NLGN1: variants seen among roughly 807,000 people sequenced by gnomAD.
NLGN1 encodes neuroligin 1.
Under a neutral mutation model 65.5 loss-of-function variants are expected in NLGN1, and 12 were observed. That is an observed-to-expected ratio of 0.18 (90% CI 0.12 to 0.30). The LOEUF (loss-of-function observed/expected upper bound fraction) is 0.30. NLGN1 is among the 10% of genes least tolerant of loss of function. The probability of loss-of-function intolerance (pLI) is 1.00; values close to 1 mark genes in which losing one functional copy is unlikely to be tolerated. For synonymous variants in NLGN1, 350 were observed against 359.5 expected (o/e 0.97, Z 0.30); for missense variants, 750 against 1,007.1 (o/e 0.74, Z 3.46).
At chr3:173,683,070 T>A (rs943117755) in intron 3 of NLGN1, among the ~76,000 whole-genome samples, 34 of 152,318 alleles carry the variant, frequency 2.2e-4, no homozygotes, top group African/African-American at 7.9e-4. Flanking sequence ...CGTGCATTTT[T>A]GTGGTTAGTT....
At chr3:173,958,645 T>C (rs1193888709) in intron 4 of NLGN1, among the ~76,000 whole-genome samples, 1 of 152,092 alleles carries the variant, frequency 6.6e-6, no homozygotes, top group Non-Finnish European at 1.5e-5. Flanking sequence ...AAGTTCCCAC[T>C]CTGGTCTGTG....
chr3:173,885,607 A>C (rs1482800605), intron 4 of NLGN1, among the ~76,000 whole-genome samples: 4 of 152,108 alleles, frequency 2.6e-5, no homozygotes, highest in Non-Finnish European at 5.9e-5. Flanking sequence ...CTATAATAAA[A>C]AGCATATTCA....
chr3:173,740,305 A>G lies in NLGN1; in HGVS notation c.494-67375A>G, dbSNP rs1578205552. 3.3e-5 allele frequency among the ~76,000 whole-genome samples: 5 copies of G among 152,286 alleles called. No homozygotes were observed. The South Asian group carries it at 1.0e-3, about 32-fold the overall frequency. On this transcript the variant is annotated intron_variant, in intron 3 of 6. Coordinates refer to ENST00000457714, the Ensembl canonical transcript of NLGN1. ...GTGATTTTGTGCTATATTAAGTCAA[A>G]TCATACATTAGGGATAATAGAAAAA...
intron 4 of NLGN1, among the ~76,000 whole-genome samples, chr3:173,910,222 A>G (rs1336459475): frequency 2.0e-5 from 3 of 152,206 alleles, no homozygotes; most frequent in Admixed American, 6.5e-5. Context: ...AAAAATGCAG[A>G]TTCTGCTTCA....
At chr3:173,967,251 T>G (rs917226110) in intron 4 of NLGN1, among the ~76,000 whole-genome samples, 1 of 152,164 alleles carries the variant, frequency 6.6e-6, no homozygotes, top group Admixed American at 6.5e-5. Context: ...AACTTCCGAC[T>G]GGTGGACAGT....
chr3:173,426,031 C>G (rs1716033373), intron 1 of NLGN1, among the ~76,000 whole-genome samples: 1 of 151,960 alleles, frequency 6.6e-6, no homozygotes, highest in African/African-American at 2.4e-5. Context: ...GTTTTTATGG[C>G]AGAGCTGTCT....
At chr3:174,124,711 T>C (rs1262819697) in intron 4 of NLGN1, among the ~76,000 whole-genome samples, 5 of 149,438 alleles carry the variant, frequency 3.3e-5, no homozygotes, top group African/African-American at 9.8e-5. Context: ...TATATACTTA[T>C]ATATTTATAC....
rs147582110 is a variant in NLGN1, at chr3:174,249,961, T to C, written c.647-25354T>C. 9.3e-3 allele frequency among the ~76,000 whole-genome samples: 1,413 copies of C among 152,292 alleles called. 12 individuals carry two copies. Among genetic ancestry groups the C allele is most frequent in the Non-Finnish European group, 0.014 (941 of 68,018 alleles). On this transcript the variant is annotated intron_variant, in intron 4 of 6. Transcript: ENST00000457714. ...GAATAGAAGGTTGTAGCTTGGATGA[T>C]TTGTTAAGGAAGAAAAAGTTAAGTG... is the stretch of plus-strand genomic sequence containing the variant.
At chr3:173,892,295 GATCCTGCC>G (rs1735495462) in intron 4 of NLGN1, among the ~76,000 whole-genome samples, 1 of 151,132 alleles carries the variant, frequency 6.6e-6, no homozygotes. Flanking sequence ...TCCTCCAATA[GATCCTGCC>G]ATCTCTGTTC....
intron 4 of NLGN1, among the ~76,000 whole-genome samples, chr3:173,845,647 GATAA>G (rs1162316807): frequency 4.0e-4 from 59 of 146,988 alleles, no homozygotes; most frequent in African/African-American, 9.1e-4. Flanking sequence ...TAGATAGATA[GATAA>G]ATAGACGAAT....
chr3:173,611,731 C>T (rs1157257121), intron 3 of NLGN1, among the ~76,000 whole-genome samples: 2 of 152,062 alleles, frequency 1.3e-5, no homozygotes, highest in Non-Finnish European at 2.9e-5. Context: ...TGTTTACTGA[C>T]AGACAGAGAC....
intron 2 of NLGN1, among the ~76,000 whole-genome samples, chr3:173,498,202 C>G (rs1730359441): frequency 6.6e-6 from 1 of 151,620 alleles, no homozygotes; most frequent in Admixed American, 6.6e-5. Context: ...TATCCCTCCC[C>G]ACTCCCCCCA....
chr3:174,085,678 G>A (rs1426634372), intron 4 of NLGN1, among the ~76,000 whole-genome samples: 2 of 148,612 alleles, frequency 1.3e-5, no homozygotes, highest in African/African-American at 5.1e-5. Flanking sequence ...AAAGAAAGTG[G>A]ATATGTTTTT....
chr3:174,223,465 T>G (rs1297452009), intron 4 of NLGN1, among the ~76,000 whole-genome samples: 2 of 152,156 alleles, frequency 1.3e-5, no homozygotes, highest in Non-Finnish European at 1.5e-5. Flanking sequence ...CCTCTTTTAC[T>G]CTGTCTGTTG....
chr3:173,923,130 T>C (rs537489076), intron 4 of NLGN1, among the ~76,000 whole-genome samples: 4 of 152,224 alleles, frequency 2.6e-5, no homozygotes, highest in Admixed American at 2.6e-4. Flanking sequence ...TATTTGACTA[T>C]ATTTCATATT....
chr3:174,031,806 A>AT (rs1274922510), intron 4 of NLGN1, among the ~76,000 whole-genome samples: 1 of 152,082 alleles, frequency 6.6e-6, no homozygotes, highest in African/African-American at 2.4e-5. Context: ...AAGGATAGGA[A>AT]TTTTCAGATT....
At chr3:174,278,745 CCTGTTTCTTGAG>C in intron 5 of NLGN1, 104 bp from the exon 6 acceptor site, 1 of 770,618 alleles carries the variant, frequency 1.3e-6, no homozygotes, top group Non-Finnish European at 1.9e-6. Flanking sequence ...TCTCTAACTC[CCTGTTTCTTGAG>C]CTGTATCTGG....
At position 174,228,905 on chromosome 3, in the gene NLGN1, T is replaced by C. The variant is rs542260391; in HGVS notation, c.647-46410T>C. Among the ~76,000 whole-genome samples the C allele has an allele frequency of 5.3e-5, 8 of 152,212 alleles. No homozygotes were observed. In the South Asian group the frequency reaches 1.7e-3, roughly 32 times the overall value. On this transcript the variant is annotated intron_variant, in intron 4 of 6. Transcript: ENST00000457714. ...ACATTGATTACTTCCTGGAGAGTTT[T>C]TACCTTGTAAAAACTAGGCTACAGT... is the stretch of plus-strand genomic sequence containing the variant.
intron 4 of NLGN1, among the ~76,000 whole-genome samples, chr3:173,955,861 C>A (rs1447524628): frequency 6.6e-6 from 1 of 151,902 alleles, no homozygotes; most frequent in Non-Finnish European, 1.5e-5. Flanking sequence ...TCAAATGGGT[C>A]ATTTTAAATA....
Sources: gnomAD v4.1 joint callset for allele counts (sites outside exome capture counted in the v4.1 genomes callset) on GRCh38, gnomAD v4.1.1 for gene constraint, MANE v1.5 for transcripts, NCBI Gene and HGNC (gene_info 2026-07-23, HGNC 2026-07-21) for gene names.